Variants in PAPSS1 observed in about 807,000 individuals in gnomAD.
PAPSS1 encodes bifunctional 3'-phosphoadenosine 5'-phosphosulfate synthase 1.
In PAPSS1, 50 loss-of-function variants were observed where a neutral mutation model predicts 72.0. The observed-to-expected ratio is 0.69, with a 90% CI of 0.55 to 0.88. PAPSS1 has a LOEUF of 0.88. Among genes scored for constraint, PAPSS1 ranks in the 40% least tolerant of loss-of-function variants. The pLI is 0.00. For missense variants in PAPSS1, 657 were observed against 782.2 expected (o/e 0.84, Z 1.91); for synonymous variants, 261 against 263.6 (o/e 0.99, Z 0.09).
chr4:107,637,983 T>G (rs1726433148), intron 10 of PAPSS1, among the ~76,000 whole-genome samples: 1 of 152,198 alleles, frequency 6.6e-6, no homozygotes, highest in African/African-American at 2.4e-5. Flanking sequence ...GCCTCTTGAT[T>G]TTCCAGAGAT....
chr4:107,634,948 C>T (rs527396993), intron 10 of PAPSS1, among the ~76,000 whole-genome samples: 5,025 of 151,236 alleles, frequency 0.033, 265 homozygotes, highest in African/African-American at 0.12. Flanking sequence ...CAGGCGCCCG[C>T]TACCACGCCC....
chr4:107,657,046 T>C lies in PAPSS1; in HGVS notation c.784-39A>G, dbSNP rs766112194. 6.9e-6 allele frequency: 9 copies of C among 1,297,140 alleles called. No homozygotes were observed. The East Asian group carries it at 1.6e-4, about 23-fold the overall frequency. The allele number at this position is 1,297,140 out of a possible 1,614,324, so 80.4% of individuals were successfully genotyped here. A position where few individuals can be genotyped will look rare whatever the true frequency, so the allele number is the denominator to read the frequency against. ...AAGTAAAGCAAAATTTTCTATTGCA[T>C]GTATATATGAGCAAAAGCAGTGATG... On this transcript the variant is annotated intron_variant, in intron 6 of 11. Transcript: ENST00000265174.
chr4:107,666,615 G>A (rs2040708), intron 5 of PAPSS1, among the ~76,000 whole-genome samples: 139,489 of 152,236 alleles, frequency 0.92, 64,001 homozygotes, highest in South Asian at 0.97. Flanking sequence ...TATATTACCC[G>A]TTGTACAGCA....
intron 11 of PAPSS1, among the ~76,000 whole-genome samples, chr4:107,627,798 T>C (rs1252738041): frequency 1.3e-5 from 2 of 152,178 alleles, no homozygotes; most frequent in African/African-American, 4.8e-5. Flanking sequence ...AATCCTTTTA[T>C]AACTCTCAGC....
chr4:107,675,050 T>C (rs1349771839), intron 5 of PAPSS1, among the ~76,000 whole-genome samples: 1 of 151,608 alleles, frequency 6.6e-6, no homozygotes, highest in Non-Finnish European at 1.5e-5. Flanking sequence ...AGAGAGAAAT[T>C]TATAGCACTA....
chr4:107,629,022 T>C (rs543010958), intron 11 of PAPSS1, among the ~76,000 whole-genome samples: 1 of 152,208 alleles, frequency 6.6e-6, no homozygotes, highest in Admixed American at 6.5e-5. Context: ...ATGGAAAATG[T>C]TCATTATCAA....
chr4:107,701,228 T>G lies in PAPSS1; in HGVS notation c.118A>C (p.Arg40=), dbSNP rs138492413. 2 of 1,613,754 alleles carry G rather than the reference T, an allele frequency of 1.2e-6. No homozygotes were observed. The highest frequency in any genetic ancestry group is 1.3e-5 in the African/African-American group (1 of 74,862). Residue 40 remains arginine, a synonymous_variant, in exon 2 of 12, where the codon AGA becomes CGA. Transcript: ENST00000265174. ...YQAHHVSRNK[R]GQVVGTRGGF... ...CCTCTGGTCCCCACCACCTGACCTC[T>G]CTTGTTCCTGCTGACATGATGGGCT... is the stretch of plus-strand genomic sequence containing the variant.
chr4:107,676,945 T>C (rs1480488660), intron 5 of PAPSS1, among the ~76,000 whole-genome samples: 1 of 152,236 alleles, frequency 6.6e-6, no homozygotes, highest in East Asian at 1.9e-4. Context: ...AACGATTCCC[T>C]ATTTAATAAA....
At position 107,621,608 on chromosome 4, in the gene PAPSS1, C is replaced by CTTTTTTTTTTTTTTTT. The variant is rs10670438; in HGVS notation, c.1737-7237_1737-7222dup. Among the ~76,000 whole-genome samples, 164 of 48,158 alleles carry CTTTTTTTTTTTTTTTT rather than the reference C, an allele frequency of 3.4e-3. 35 individuals are homozygous for CTTTTTTTTTTTTTTTT. The highest frequency in any genetic ancestry group is 6.1e-3 in the East Asian group (8 of 1,322). The allele number at this position is 48,158 out of a possible 152,430, so 31.6% of individuals were successfully genotyped here. On this transcript the variant is annotated intron_variant, in intron 11 of 11. Coordinates refer to ENST00000265174, the MANE Select transcript of PAPSS1 (RefSeq NM_005443.5). ...CTTTCTAGGAAGACAGGTTTTTTAT[C>CTTTTTTTTTTTTTTTT]TTTTTTTTTTTTTTTTTTTTTTTTT...
chr4:107,624,739 T>C (rs1480912868), intron 11 of PAPSS1, among the ~76,000 whole-genome samples: 1 of 152,206 alleles, frequency 6.6e-6, no homozygotes, highest in Admixed American at 6.5e-5. Flanking sequence ...CTATAAAGTA[T>C]GTGCAAAATT....
At chr4:107,641,482 C>G (rs1435192915) in intron 10 of PAPSS1, among the ~76,000 whole-genome samples, 1 of 152,166 alleles carries the variant, frequency 6.6e-6, no homozygotes, top group Non-Finnish European at 1.5e-5. Flanking sequence ...GTTTTTATTA[C>G]TTTAATCACT....
chr4:107,657,586 G>C (rs1201201335), intron 6 of PAPSS1, among the ~76,000 whole-genome samples: 2 of 152,058 alleles, frequency 1.3e-5, no homozygotes, highest in African/African-American at 4.8e-5. Context: ...AGCCAGATGT[G>C]GTGGCGCATT....
Position 107,687,021 on chromosome 4 carries a change from G to T in PAPSS1, c.550+18C>A, listed in dbSNP as rs11097962. 35 of 1,589,714 alleles carry T rather than the reference G, an allele frequency of 2.2e-5. No individual in the cohort carries two copies. Among genetic ancestry groups the T allele is most frequent in the Non-Finnish European group, 3.0e-5 (35 of 1,172,246 alleles). On this transcript the variant is annotated intron_variant, in intron 4 of 11. Transcript: ENST00000265174. ...AAATATCTAAGCAAAGTGAAACTGG[G>T]AAGAAAATATTACTGACCTTTAATT...
intron 11 of PAPSS1, among the ~76,000 whole-genome samples, chr4:107,625,018 A>AG (rs138306805): frequency 2.0e-5 from 3 of 152,346 alleles, no homozygotes; most frequent in Non-Finnish European, 1.5e-5. Flanking sequence ...AAGGACTTTA[A>AG]GGTTCTATAT....
intron 3 of PAPSS1, among the ~76,000 whole-genome samples, chr4:107,687,547 G>C (rs1198207480): frequency 2.0e-5 from 3 of 152,070 alleles, no homozygotes; most frequent in Admixed American, 2.0e-4. Context: ...TGGCATGAAA[G>C]CAATTTCACA....
chr4:107,692,108 A>G (rs1722938450), intron 3 of PAPSS1, among the ~76,000 whole-genome samples: 3 of 152,312 alleles, frequency 2.0e-5, no homozygotes, highest in African/African-American at 7.2e-5. Context: ...AATCTAGGTA[A>G]TACCATTCAG....
At chr4:107,627,226 TTTTAG>T (rs375142864) in intron 11 of PAPSS1, among the ~76,000 whole-genome samples, 194 of 152,302 alleles carry the variant, frequency 1.3e-3, no homozygotes, top group African/African-American at 4.4e-3. Context: ...GCTCAACTCT[TTTTAG>T]TTTGGTTTTC....
At chr4:107,646,089 C>T (rs1057197657) in intron 9 of PAPSS1, among the ~76,000 whole-genome samples, 1 of 152,018 alleles carries the variant, frequency 6.6e-6, no homozygotes, top group African/African-American at 2.4e-5. Context: ...GGCTGGTTTT[C>T]ACAAAGGAAA....
intron 2 of PAPSS1, among the ~76,000 whole-genome samples, chr4:107,698,638 C>T (rs767118935): frequency 6.6e-6 from 1 of 152,156 alleles, no homozygotes. Context: ...CTGTGGGAAC[C>T]AGTGTCACAC....
Sources: allele counts gnomAD v4.1 joint callset (sites outside exome capture counted in the v4.1 genomes callset), GRCh38; gene constraint gnomAD v4.1.1; transcripts MANE v1.5; gene names NCBI Gene and HGNC (gene_info 2026-07-23, HGNC 2026-07-21).